Variants in TBL1XR1 observed in about 807,000 individuals in gnomAD.
TBL1XR1 encodes the protein TBL1X/Y related 1.
In TBL1XR1, 5 loss-of-function variants were observed where a neutral mutation model predicts 66.9. The observed-to-expected ratio is 0.07, with a 90% confidence interval of 0.04 to 0.16. TBL1XR1 has a LOEUF of 0.16. Ranked by LOEUF, TBL1XR1 falls within the 10% of genes least tolerant of loss-of-function variation. The pLI is 1.00. For missense variants in TBL1XR1, 238 were observed against 623.2 expected (o/e 0.38, Z 6.58); for synonymous variants, 210 against 206.0 (o/e 1.02, Z -0.17).
chr3:177,197,099 G>A (rs1170591260), intron 1 of TBL1XR1, 22 bp downstream of exon 1: 2 of 149,652 alleles, frequency 1.3e-5, no homozygotes, highest in African/African-American at 4.9e-5. Context: ...CCCCACTCCA[G>A]GGTCCGGCCC....
intron 1 of TBL1XR1, among the ~76,000 whole-genome samples, chr3:177,159,520 A>G (rs569955138): frequency 6.6e-6 from 1 of 152,312 alleles, no homozygotes; most frequent in East Asian, 1.9e-4. Flanking sequence ...AAACCAAGAC[A>G]CAAAATTCTC....
intron 1 of TBL1XR1, among the ~76,000 whole-genome samples, chr3:177,144,816 T>TG (rs374458632): frequency 6.6e-6 from 1 of 152,206 alleles, no homozygotes; most frequent in Admixed American, 6.5e-5. Flanking sequence ...TCAATGTGGC[T>TG]GTATTTCAAT....
intron 1 of TBL1XR1, among the ~76,000 whole-genome samples, chr3:177,175,992 G>C (rs1037208578): frequency 6.6e-6 from 1 of 150,678 alleles, no homozygotes; most frequent in African/African-American, 2.4e-5. Flanking sequence ...CCAGGAGACA[G>C]AGCTTGCAGT....
chr3:177,183,420 T>C (rs1256166760), intron 1 of TBL1XR1, among the ~76,000 whole-genome samples: 2 of 152,178 alleles, frequency 1.3e-5, no homozygotes, highest in African/African-American at 2.4e-5. Context: ...TTGTGTAAAA[T>C]TTAACATATA....
intron 1 of TBL1XR1, among the ~76,000 whole-genome samples, chr3:177,106,738 CA>C (rs2108699283): frequency 6.6e-6 from 1 of 152,286 alleles, no homozygotes; most frequent in African/African-American, 2.4e-5. Flanking sequence ...TCTGTGAAGA[CA>C]GTCCGCTAAC....
chr3:177,199,362 G>C (rs550275543), upstream of TBL1XR1, among the ~76,000 whole-genome samples: 20 of 144,036 alleles, frequency 1.4e-4, no homozygotes, highest in Non-Finnish European at 2.7e-4. Context: ...GAATTGAAAA[G>C]AGTATATAGT....
At chr3:177,160,227 C>G (rs150286083) in intron 1 of TBL1XR1, among the ~76,000 whole-genome samples, 39 of 152,184 alleles carry the variant, frequency 2.6e-4, no homozygotes, top group African/African-American at 9.4e-4. Context: ...AATCCCAGCA[C>G]TTTGGGAGGA....
At chr3:177,201,436 A>AG (rs1491441422), upstream of TBL1XR1, among the ~76,000 whole-genome samples, 357 of 150,218 alleles carry the variant, frequency 2.4e-3, 20 homozygotes, top group East Asian at 0.061. Flanking sequence ...AAAAAAAAAA[A>AG]CAAATCCTGA....
chr3:177,189,185 G>T (rs143954765), intron 1 of TBL1XR1, among the ~76,000 whole-genome samples: 8 of 150,728 alleles, frequency 5.3e-5, no homozygotes, highest in Non-Finnish European at 1.0e-4. Context: ...TCCAGCTTAG[G>T]CAACAGAATG....
chr3:177,026,636 C>T, intron 14 of TBL1XR1, 162 bp from the exon 15 acceptor site: 1 of 556,660 alleles, frequency 1.8e-6, no homozygotes, highest in East Asian at 3.2e-5. Context: ...GTAATATGAT[C>T]CCTTTACAAA....
At chr3:177,163,999 T>C (rs952060311) in intron 1 of TBL1XR1, 6 of 152,186 alleles carry the variant, frequency 3.9e-5, no homozygotes, top group African/African-American at 1.4e-4. Flanking sequence ...TCCCAATACG[T>C]TCCTGAAAAG....
At chr3:177,182,158 A>T (rs1454384941) in intron 1 of TBL1XR1, among the ~76,000 whole-genome samples, 2 of 151,916 alleles carry the variant, frequency 1.3e-5, no homozygotes, top group Non-Finnish European at 2.9e-5. Context: ...AAGCTACAGC[A>T]GGTGGATCAC....
At chr3:177,065,099 T>C in intron 2 of TBL1XR1, 77 bp from the exon 3 acceptor site, 1 of 945,206 alleles carries the variant, frequency 1.1e-6, no homozygotes, top group South Asian at 3.2e-5. Context: ...GTAAAAACCA[T>C]TTGATTTTAT....
intron 1 of TBL1XR1, among the ~76,000 whole-genome samples, chr3:177,122,128 GTTGA>G (rs1410716660): frequency 6.6e-6 from 1 of 152,056 alleles, no homozygotes; most frequent in Admixed American, 6.6e-5. Flanking sequence ...TTTCTACAAT[GTTGA>G]TTAATTCACC....
At chr3:177,154,875 A>T (rs1731308880) in intron 1 of TBL1XR1, among the ~76,000 whole-genome samples, 1 of 152,226 alleles carries the variant, frequency 6.6e-6, no homozygotes, top group African/African-American at 2.4e-5. Flanking sequence ...TAAAACATTA[A>T]CAAAAGAGAT....
intron 1 of TBL1XR1, among the ~76,000 whole-genome samples, chr3:177,116,994 T>C (rs1019773705): frequency 1.3e-5 from 2 of 152,204 alleles, no homozygotes; most frequent in Non-Finnish European, 2.9e-5. Context: ...TTATGCAGTT[T>C]ATCTTATAAA....
intron 2 of TBL1XR1, among the ~76,000 whole-genome samples, chr3:177,097,466 T>A (rs1012662296): frequency 2.6e-5 from 4 of 152,162 alleles, no homozygotes; most frequent in Non-Finnish European, 5.9e-5. Context: ...TCCAATTCCA[T>A]CACCTAAGTT....
intron 1 of TBL1XR1, among the ~76,000 whole-genome samples, chr3:177,115,825 C>CT (rs1034059606): frequency 8.5e-5 from 13 of 152,148 alleles, no homozygotes; most frequent in African/African-American, 3.1e-4. Context: ...AGCCTCCTTG[C>CT]TAACATAATT....
At chr3:177,065,142 T>A in intron 2 of TBL1XR1, 120 bp from the exon 3 acceptor site, 1 of 569,818 alleles carries the variant, frequency 1.8e-6, no homozygotes, top group Non-Finnish European at 2.7e-6. Flanking sequence ...CTACATTGCC[T>A]AATAATAAAA....
Sources: gnomAD v4.1 joint callset for allele counts (sites outside exome capture counted in the v4.1 genomes callset) on GRCh38, gnomAD v4.1.1 for gene constraint, MANE v1.5 for transcripts, NCBI Gene and HGNC (gene_info 2026-07-23, HGNC 2026-07-21) for gene names.